The following ZNF350 variants were observed in gnomAD, a reference collection of about 807,000 sequenced individuals.
ZNF350 encodes KRAB zinc finger protein ZFQR.
In ZNF350, 5 loss-of-function variants were observed where a neutral mutation model predicts 13.1. The observed-to-expected ratio is 0.38, with a 90% confidence interval of 0.20 to 0.80. ZNF350 has a LOEUF of 0.80. Ranked by LOEUF, ZNF350 falls within the 30% of genes least tolerant of loss-of-function variation. ZNF350 has a pLI of 0.43. For missense variants in ZNF350, 534 were observed against 644.2 expected, an observed-to-expected ratio of 0.83 and a Z score of 1.85; for synonymous variants, 199 against 224.2, an observed-to-expected ratio of 0.89 and a Z score of 1.00.
intron 3 of ZNF350, 128 bp downstream of exon 3, chr19:51,968,877 G>A: frequency 6.3e-7 from 1 of 1,580,822 alleles, no homozygotes; most frequent in Non-Finnish European, 8.7e-7. Flanking sequence ...CGTCTTGTGT[G>A]GGAGCAAGAG....
At chr19:51,982,708 A>C (rs2086073446) in intron 1 of ZNF350, among the ~76,000 whole-genome samples, 1 of 152,210 alleles carries the variant, frequency 6.6e-6, no homozygotes, top group South Asian at 2.1e-4. Flanking sequence ...AAAAAAAGTT[A>C]GAAGACTTGC....
rs755902821 is a variant in ZNF350, at chr19:51,965,532, T to C, written c.921A>G (p.Val307=). ...KGFIQKGNLI[V]HQRIHTGEKP... ...TCTCACCTGTATGAATTCGCTGGTGTACAATGAGATTTCCTTTCTGGATGA... is the reference window on the plus strand; with the variant it reads ...TCTCACCTGTATGAATTCGCTGGTGCACAATGAGATTTCCTTTCTGGATGA... The change falls in exon 5 of 5, where the codon GTA becomes GTG. Residue 307 remains valine (V), a synonymous_variant. Transcript: ENST00000243644. The C allele has an allele frequency of 7.0e-5, 113 of 1,614,096 alleles. 2 individuals carry two copies. The highest frequency in any genetic ancestry group is 6.9e-4 in the South Asian group (63 of 91,090).
intron 1 of ZNF350, among the ~76,000 whole-genome samples, chr19:51,983,807 TC>T (rs1293294847): frequency 2.6e-5 from 4 of 152,016 alleles, no homozygotes; most frequent in East Asian, 1.9e-4. Flanking sequence ...CCGGTGTGGG[TC>T]CCCCATATGC....
At chr19:51,966,288 TTG>T (rs1426378150) in intron 4 of ZNF350, 74 bp from the exon 5 acceptor site, 70 of 1,467,138 alleles carry the variant, frequency 4.8e-5, no homozygotes, top group African/African-American at 8.7e-5. Context: ...TTTGTTTTTT[TTG>T]TTTTTTTTTT....
At chr19:51,978,391 G>A (rs1417703613) in intron 1 of ZNF350, among the ~76,000 whole-genome samples, 1 of 152,202 alleles carries the variant, frequency 6.6e-6, no homozygotes, top group African/African-American at 2.4e-5. Flanking sequence ...CATCACTGTA[G>A]TCCTAGGAAT....
At chr19:51,986,126 T>C (rs1023706345) in intron 1 of ZNF350, among the ~76,000 whole-genome samples, 5 of 152,214 alleles carry the variant, frequency 3.3e-5, no homozygotes, top group African/African-American at 7.2e-5. Context: ...TTTGCAGCCA[T>C]AGACAATATA....
chr19:51,979,525 C>T (rs2085982155), intron 1 of ZNF350, among the ~76,000 whole-genome samples: 1 of 152,208 alleles, frequency 6.6e-6, no homozygotes, highest in Non-Finnish European at 1.5e-5. Context: ...TCTTGCAATT[C>T]AAGCTCAAAC....
At chr19:51,972,566 C>T (rs886934832) in intron 2 of ZNF350, among the ~76,000 whole-genome samples, 3 of 151,992 alleles carry the variant, frequency 2.0e-5, no homozygotes, top group Non-Finnish European at 4.4e-5. Context: ...GTAGCATCTT[C>T]GGCCAATGAA....
At chr19:51,973,593 A>G (rs2085805993) in intron 2 of ZNF350, 1 of 152,232 alleles carries the variant, frequency 6.6e-6, no homozygotes, top group Non-Finnish European at 1.5e-5. Context: ...GAAAGTCTAA[A>G]GGAAATCTGT....
rs1267982122 is a variant in ZNF350 at position 51,976,616 on chromosome 19, G to A, written c.-171-2085C>T. On this transcript the variant is annotated intron_variant, in intron 1 of 4. Coordinates refer to ENST00000243644, the MANE Select transcript of ZNF350 (RefSeq NM_021632.4). The surrounding 1 kb of genome is among the most constrained non-coding windows in gnomAD (Gnocchi z 4.5). ...GTACTGGGAGCAGTGCTTTAAAGAA[G>A]TACTGGGAAGTTTTCTGACTCAGGG... is the stretch of plus-strand genomic sequence containing the variant. 4 of 152,216 alleles carry A rather than the reference G, an allele frequency of 2.6e-5. No homozygotes were observed. Among genetic ancestry groups the A allele is most frequent in the African/African-American group, 9.7e-5 (4 of 41,448 alleles). 9.4% of individuals were successfully genotyped at this position (152,216 alleles called of 1,614,324 possible). A position where few individuals can be genotyped will look rare whatever the true frequency, so the allele number is the denominator to read the frequency against.
intron 2 of ZNF350, among the ~76,000 whole-genome samples, chr19:51,972,418 A>C (rs1172751835): frequency 1.3e-5 from 2 of 150,484 alleles, no homozygotes; most frequent in East Asian, 3.9e-4. Context: ...ATCATTTTTC[A>C]GATTAAATAC....
intron 2 of ZNF350, among the ~76,000 whole-genome samples, chr19:51,971,937 A>C (rs1347236525): frequency 6.6e-6 from 1 of 152,188 alleles, no homozygotes; most frequent in Non-Finnish European, 1.5e-5. Context: ...AATATGGCAA[A>C]GGCGTTGGAA....
At chr19:51,975,406 T>A in intron 1 of ZNF350, among the ~76,000 whole-genome samples, 1 of 107,218 alleles carries the variant, frequency 9.3e-6, no homozygotes. Flanking sequence ...TCCAGTCTGG[T>A]CAAAAAGAGC....
chr19:51,971,533 A>G (rs2085737297), intron 2 of ZNF350, among the ~76,000 whole-genome samples: 1 of 152,166 alleles, frequency 6.6e-6, no homozygotes, highest in African/African-American at 2.4e-5. Context: ...CAAACTCACC[A>G]TTGCTCCTGC....
At chr19:51,972,674 T>TA (rs1555764327) in intron 2 of ZNF350, among the ~76,000 whole-genome samples, 2 of 151,532 alleles carry the variant, frequency 1.3e-5, no homozygotes, top group Non-Finnish European at 2.9e-5. Flanking sequence ...TATCTACAGA[T>TA]AGATTCATAT....
rs1328768917 is a variant in ZNF350 at position 51,978,757 on chromosome 19, C to A, written c.-171-4226G>T. 2.0e-5 allele frequency among the ~76,000 whole-genome samples: 3 copies of A among 152,166 alleles called. No homozygotes were observed. The East Asian group carries it at 5.8e-4, about 29-fold the overall frequency. Reference sequence around the variant, plus strand: ...AAAAGGGGGTATAGGAGGCCAACTACCACCTCAATCAAAACTACATTTAGC... The same window carrying A: ...AAAAGGGGGTATAGGAGGCCAACTAACACCTCAATCAAAACTACATTTAGC... On this transcript the variant is annotated intron_variant, in intron 1 of 4. Coordinates refer to ENST00000243644, the MANE Select transcript of ZNF350 (RefSeq NM_021632.4).
chr19:51,965,287 AG>A lies in ZNF350; in HGVS notation c.1165del (p.Leu389SerfsTer85), dbSNP rs1194815383. On this transcript the variant is annotated frameshift_variant, in exon 5 of 5. Transcript: ENST00000243644. LOFTEE classifies it low-confidence loss of function (END_TRUNC). ...TGTATGAGTCCTTTGATGGACAATG[AG>A]CTTTTGCTTTGTGCTAAAGGCTTTC... ...CGKAFSTKQK[L>X]IVHQRTHTGE... is the part of the protein sequence containing the mutation. 1 of 1,614,050 alleles carries A rather than the reference AG, an allele frequency of 6.2e-7. No individual in the cohort carries two copies. The highest frequency in any genetic ancestry group is 1.1e-5 in the South Asian group (1 of 91,080).
At chr19:51,974,647 C>T (rs1270498824) in intron 1 of ZNF350, 116 bp from the exon 2 acceptor site, 3 of 297,440 alleles carry the variant, frequency 1.0e-5, no homozygotes, top group Non-Finnish European at 1.9e-5. Flanking sequence ...TAACTATATA[C>T]CTTTGTTTGG....
Position 51,966,144 on chromosome 19 carries a change from A to G in ZNF350, c.309T>C (p.Cys103=). Residue 103 remains cysteine (C), a synonymous_variant, in exon 5 of 5, where the codon TGT becomes TGC. Transcript: ENST00000243644. ...TATTTTCAAATGCATCATGTTCATG[A>G]CATGGTTTCCTTCTGTTCACCAGGC... ...SESLVNRRKP[C]HEHDAFENIV... is the part of the protein sequence containing the mutation. 1 of 1,613,876 alleles carries G rather than the reference A, an allele frequency of 6.2e-7. No homozygotes were observed. The highest frequency in any genetic ancestry group is 2.2e-5 in the East Asian group (1 of 44,876).
Sources: allele counts gnomAD v4.1 joint callset (sites outside exome capture counted in the v4.1 genomes callset), GRCh38; gene constraint gnomAD v4.1.1; non-coding constraint Gnocchi (gnomAD v3.1); transcripts MANE v1.5; gene names NCBI Gene and HGNC (gene_info 2026-07-23, HGNC 2026-07-21).